FBXO36: variants seen among roughly 807,000 people sequenced by gnomAD.
The protein encoded by FBXO36 is F-box protein 36.
FBXO36 carries 18 observed loss-of-function variants against 17.0 expected under a neutral mutation model. The observed-to-expected ratio is 1.06, with a 90% CI of 0.73 to 1.57. FBXO36 has a LOEUF of 1.57. Ranked by LOEUF, FBXO36 falls within the 40% of genes most tolerant of loss-of-function variation. The pLI, the probability that FBXO36 is intolerant of heterozygous loss-of-function variation, is 0.00. For missense variants in FBXO36, 229 were observed against 221.9 expected (o/e 1.03, Z -0.20); for synonymous variants, 83 against 85.3 (o/e 0.97, Z 0.15).
At chr2:229,999,506 TATATATATATGTATGTGTATATATACAC>T (rs1331500969) in intron 3 of FBXO36, among the ~76,000 whole-genome samples, 1 of 147,428 alleles carries the variant, frequency 6.8e-6, no homozygotes, top group Non-Finnish European at 1.5e-5. Context: ...TATGTATATA[TATATATATATGTATGTGTATATATACAC>T]ACACACACAT....
At chr2:229,973,849 C>T (rs1478298654) in intron 1 of FBXO36, among the ~76,000 whole-genome samples, 3 of 151,928 alleles carry the variant, frequency 2.0e-5, no homozygotes, top group Admixed American at 6.6e-5. Flanking sequence ...GAGTTTGAGA[C>T]CAGCCTGGGC....
At chr2:229,922,688 G>C in intron 1 of FBXO36, 79 bp downstream of exon 1, 3 of 1,469,510 alleles carry the variant, frequency 2.0e-6, no homozygotes, top group Non-Finnish European at 2.8e-6. Flanking sequence ...GGCTGTGCTA[G>C]GCCAAGAGCA....
intron 3 of FBXO36, among the ~76,000 whole-genome samples, chr2:230,008,774 T>C (rs2077400342): frequency 6.6e-6 from 1 of 152,194 alleles, no homozygotes; most frequent in Non-Finnish European, 1.5e-5. Context: ...ATTTTTAAAG[T>C]TTTCCTTTGT....
intron 1 of FBXO36, among the ~76,000 whole-genome samples, chr2:229,971,719 C>T (rs1207845810): frequency 1.3e-5 from 2 of 151,852 alleles, no homozygotes; most frequent in South Asian, 4.2e-4. Flanking sequence ...GATAAGGTCT[C>T]ATTTTTTCAC....
intron 1 of FBXO36, among the ~76,000 whole-genome samples, chr2:229,935,295 C>T (rs2076958519): frequency 6.6e-6 from 1 of 152,176 alleles, no homozygotes; most frequent in South Asian, 2.1e-4. Flanking sequence ...GATGCACCAG[C>T]TCAGCACAAA....
chr2:229,923,690 A>T (rs1350849509), intron 1 of FBXO36, among the ~76,000 whole-genome samples: 2 of 151,838 alleles, frequency 1.3e-5, no homozygotes, highest in Non-Finnish European at 2.9e-5. Flanking sequence ...ATTTTTTTTA[A>T]AACAGTACTG....
chr2:229,975,021 T>C, intron 1 of FBXO36, among the ~76,000 whole-genome samples: 1 of 152,108 alleles, frequency 6.6e-6, no homozygotes, highest in East Asian at 1.9e-4. Flanking sequence ...CCAGCTCCAT[T>C]ACAGGTTTAA....
chr2:230,006,055 C>G (rs1280710824), intron 3 of FBXO36, among the ~76,000 whole-genome samples: 1 of 149,422 alleles, frequency 6.7e-6, no homozygotes, highest in African/African-American at 2.5e-5. Context: ...TCATAGAAAT[C>G]TTTAGATGTA....
intron 1 of FBXO36, among the ~76,000 whole-genome samples, chr2:229,962,080 G>C (rs2077124308): frequency 6.6e-6 from 1 of 151,980 alleles, no homozygotes; most frequent in Non-Finnish European, 1.5e-5. Context: ...CTACCAGGGA[G>C]GCTGATGCAT....
At chr2:229,940,579 G>A (rs1398157928) in intron 1 of FBXO36, among the ~76,000 whole-genome samples, 2 of 152,262 alleles carry the variant, frequency 1.3e-5, no homozygotes, top group South Asian at 4.1e-4. Context: ...CAAGGTCATT[G>A]CAGATGAAAT....
chr2:229,953,432 T>C (rs2077068042), intron 1 of FBXO36, among the ~76,000 whole-genome samples: 1 of 151,936 alleles, frequency 6.6e-6, no homozygotes, highest in Admixed American at 6.6e-5. Flanking sequence ...TCTCAGAACC[T>C]TGGGAGGCCA....
At chr2:229,935,129 A>G (rs1263721773) in intron 1 of FBXO36, among the ~76,000 whole-genome samples, 1 of 152,226 alleles carries the variant, frequency 6.6e-6, no homozygotes, top group Non-Finnish European at 1.5e-5. Flanking sequence ...TGCACGCCAC[A>G]GAGGAAAGCA....
chr2:229,995,812 G>A (rs1250584473), intron 2 of FBXO36, among the ~76,000 whole-genome samples: 5 of 151,464 alleles, frequency 3.3e-5, no homozygotes, highest in Non-Finnish European at 5.9e-5. Flanking sequence ...GGCGGGTCTC[G>A]AACTCCCAAC....
chr2:229,964,250 A>G lies in FBXO36; in HGVS notation c.97-11991A>G, dbSNP rs144860175. ...TAATACAGTAAAAATCACTCTTTTC[A>G]GGTGGCATGAATTTAAAAAAATGTA... On this transcript the variant is annotated intron_variant, in intron 1 of 3. Transcript: ENST00000283946. Among the ~76,000 whole-genome samples the G allele has an allele frequency of 1.5e-4, 23 of 152,254 alleles. No individual in the cohort carries two copies. The East Asian group carries it at 3.9e-3, about 26-fold the overall frequency.
At chr2:229,997,316 G>A (rs561658688) in intron 3 of FBXO36, among the ~76,000 whole-genome samples, 14 of 151,572 alleles carry the variant, frequency 9.2e-5, no homozygotes, top group African/African-American at 2.4e-4. Flanking sequence ...GCATAGTGGC[G>A]TAAGAGAATA....
At chr2:229,942,556 TTCCAGGGGC>T (rs2077004904) in intron 1 of FBXO36, among the ~76,000 whole-genome samples, 1 of 152,110 alleles carries the variant, frequency 6.6e-6, no homozygotes. Context: ...GCCTAGCAGC[TTCCAGGGGC>T]TCCAGGACCA....
intron 2 of FBXO36, among the ~76,000 whole-genome samples, chr2:229,980,539 C>T (rs763287772): frequency 6.6e-6 from 1 of 152,090 alleles, no homozygotes; most frequent in African/African-American, 2.4e-5. Context: ...TGCTGGCTTA[C>T]TTGCAGACCT....
At chr2:229,927,861 C>T (rs1485714516) in intron 1 of FBXO36, among the ~76,000 whole-genome samples, 1 of 151,960 alleles carries the variant, frequency 6.6e-6, no homozygotes, top group Non-Finnish European at 1.5e-5. Context: ...GGTTGCATGC[C>T]AGCCTGTGAC....
intron 2 of FBXO36, among the ~76,000 whole-genome samples, chr2:229,994,005 C>A (rs1296005120): frequency 6.6e-6 from 1 of 152,030 alleles, no homozygotes; most frequent in Non-Finnish European, 1.5e-5. Context: ...ATCTCCTGAC[C>A]TCGTGATCCA....
Sources: gnomAD v4.1 joint callset for allele counts (sites outside exome capture counted in the v4.1 genomes callset) on GRCh38, gnomAD v4.1.1 for gene constraint, MANE v1.5 for transcripts, NCBI Gene and HGNC (gene_info 2026-07-23, HGNC 2026-07-21) for gene names.